The following ZCCHC7 variants were observed in gnomAD, a reference collection of about 807,000 sequenced individuals.
The protein encoded by ZCCHC7 is zinc finger CCHC-type containing 7.
ZCCHC7 carries 35 observed loss-of-function variants against 52.0 expected under a neutral mutation model. The observed-to-expected ratio is 0.67, with a 90% confidence interval of 0.51 to 0.89. The LOEUF is 0.89. Among genes scored for constraint, ZCCHC7 ranks in the 40% least tolerant of loss-of-function variants. The probability of loss-of-function intolerance (pLI) is 0.00; values close to 1 mark genes in which losing one functional copy is unlikely to be tolerated. For synonymous variants in ZCCHC7, 217 were observed against 221.5 expected (o/e 0.98, Z 0.18); for missense variants, 574 against 649.1 (o/e 0.88, Z 1.26).
intron 6 of ZCCHC7, among the ~76,000 whole-genome samples, chr9:37,338,449 G>A (rs1830781912): frequency 6.6e-6 from 1 of 152,088 alleles, no homozygotes. Context: ...GAAGACATAA[G>A]TATACAAACA....
At chr9:37,284,101 C>T (rs1211419478) in intron 2 of ZCCHC7, 1 of 152,096 alleles carries the variant, frequency 6.6e-6, no homozygotes, top group East Asian at 1.9e-4. Context: ...AAGAATTCCC[C>T]CGACTGTGTG....
intron 2 of ZCCHC7, among the ~76,000 whole-genome samples, chr9:37,231,371 A>C (rs1051452189): frequency 6.6e-6 from 1 of 152,244 alleles, no homozygotes; most frequent in African/African-American, 2.4e-5. Context: ...AGTAAACTTC[A>C]TGGCTTTTTA....
intron 2 of ZCCHC7, among the ~76,000 whole-genome samples, chr9:37,204,843 T>G (rs1823820567): frequency 6.6e-6 from 1 of 152,108 alleles, no homozygotes; most frequent in South Asian, 2.1e-4. Flanking sequence ...TGAGATAAAA[T>G]AATTTTCTGA....
intron 2 of ZCCHC7, among the ~76,000 whole-genome samples, chr9:37,287,492 C>T (rs144097809): frequency 2.2e-3 from 331 of 152,102 alleles, no homozygotes; most frequent in South Asian, 0.016. Flanking sequence ...AATAACAAAG[C>T]GACTTTGTTC....
intron 2 of ZCCHC7, among the ~76,000 whole-genome samples, chr9:37,131,365 G>C (rs1326993940): frequency 6.6e-6 from 1 of 151,046 alleles, no homozygotes; most frequent in South Asian, 2.1e-4. Context: ...AAAAATACAG[G>C]CCGGGCATGG....
intron 2 of ZCCHC7, among the ~76,000 whole-genome samples, chr9:37,253,319 C>A (rs193270232): frequency 3.0e-3 from 454 of 151,874 alleles, no homozygotes; most frequent in African/African-American, 0.01. Context: ...ACATCTGTAT[C>A]ACTTATGGTG....
intron 2 of ZCCHC7, among the ~76,000 whole-genome samples, chr9:37,227,008 G>C (rs182349729): frequency 7.7e-6 from 1 of 130,166 alleles, no homozygotes; most frequent in Non-Finnish European, 1.5e-5. Flanking sequence ...CAGCCTGGGC[G>C]ACAGAGCGAG....
chr9:37,120,691 C>T (rs950292608), intron 1 of ZCCHC7, 68 bp downstream of exon 1: 7 of 374,830 alleles, frequency 1.9e-5, no homozygotes, highest in Non-Finnish European at 3.3e-5. Context: ...CCTTCTTGCC[C>T]GCCGGGCTGT....
chr9:37,204,090 C>G (rs142047810), intron 2 of ZCCHC7, among the ~76,000 whole-genome samples: 1 of 152,064 alleles, frequency 6.6e-6, no homozygotes, highest in South Asian at 2.1e-4. Context: ...GTTTGTCAGC[C>G]GTGTAAATGT....
In ZCCHC7 at chr9:37,303,067, C is replaced by T. The variant is rs189109334; in HGVS notation, c.654+836C>T. Among the ~76,000 whole-genome samples, 4 of 152,226 alleles carry T rather than the reference C, an allele frequency of 2.6e-5. No individual in the cohort carries two copies. The East Asian group carries it at 7.7e-4, about 29-fold the overall frequency. On this transcript the variant is annotated intron_variant, in intron 3 of 8. Coordinates refer to ENST00000336755, the MANE Select transcript of ZCCHC7 (RefSeq NM_032226.3). ...AGACAAAGTCATAAAAACACCATTC[C>T]CTAACTCAAAATTTAAGTAGCCCTC...
At chr9:37,189,680 G>A (rs1440436271) in intron 2 of ZCCHC7, among the ~76,000 whole-genome samples, 3 of 151,996 alleles carry the variant, frequency 2.0e-5, no homozygotes, top group East Asian at 1.9e-4. Context: ...GAGCCACCAC[G>A]CCCAGCTGAT....
At chr9:37,293,046 G>A (rs941262002) in intron 2 of ZCCHC7, among the ~76,000 whole-genome samples, 9 of 152,152 alleles carry the variant, frequency 5.9e-5, no homozygotes. Flanking sequence ...CTGTTTTGAG[G>A]CACTCATAAC....
At chr9:37,301,338 A>G (rs1829022096) in intron 2 of ZCCHC7, among the ~76,000 whole-genome samples, 1 of 152,174 alleles carries the variant, frequency 6.6e-6, no homozygotes, top group Non-Finnish European at 1.5e-5. Flanking sequence ...GTGGCACACC[A>G]CAGATGCCAG....
At chr9:37,132,494 C>T (rs1842826847) in intron 2 of ZCCHC7, among the ~76,000 whole-genome samples, 1 of 151,532 alleles carries the variant, frequency 6.6e-6, no homozygotes, top group African/African-American at 2.4e-5. Flanking sequence ...TTTTGAAGCT[C>T]ATCAGACATC....
At chr9:37,175,294 A>G (rs559261606) in intron 2 of ZCCHC7, among the ~76,000 whole-genome samples, 2 of 152,156 alleles carry the variant, frequency 1.3e-5, no homozygotes, top group Non-Finnish European at 2.9e-5. Flanking sequence ...GTATCGCAGA[A>G]TAGCACCTCC....
chr9:37,278,480 C>T (rs1827794994), intron 2 of ZCCHC7, among the ~76,000 whole-genome samples: 2 of 152,094 alleles, frequency 1.3e-5, no homozygotes, highest in African/African-American at 4.8e-5. Flanking sequence ...AAAATAAATT[C>T]AAAAGAGCAG....
intron 6 of ZCCHC7, among the ~76,000 whole-genome samples, chr9:37,342,423 G>T (rs1277656414): frequency 6.6e-6 from 1 of 152,184 alleles, no homozygotes; most frequent in Non-Finnish European, 1.5e-5. Context: ...CAGAGATCAA[G>T]GCTGAAGATA....
chr9:37,209,248 G>A (rs1219901846), intron 2 of ZCCHC7, among the ~76,000 whole-genome samples: 1 of 151,966 alleles, frequency 6.6e-6, no homozygotes, highest in Non-Finnish European at 1.5e-5. Flanking sequence ...CACCGTGTTA[G>A]CCAGGATGGT....
chr9:37,283,063 T>C (rs1215859811), intron 2 of ZCCHC7, among the ~76,000 whole-genome samples: 2 of 151,944 alleles, frequency 1.3e-5, no homozygotes, highest in South Asian at 4.2e-4. Flanking sequence ...TAAATTCAAT[T>C]GTTTTCTTTT....
Sources: gnomAD v4.1 joint callset for allele counts (sites outside exome capture counted in the v4.1 genomes callset) on GRCh38, gnomAD v4.1.1 for gene constraint, MANE v1.5 for transcripts, NCBI Gene and HGNC (gene_info 2026-07-23, HGNC 2026-07-21) for gene names.